Variants in PARD3B observed in about 807,000 individuals in gnomAD.
PARD3B encodes par-3 family cell polarity regulator beta.
PARD3B carries 103 observed loss-of-function variants against 130.2 expected under a neutral mutation model. That is an observed-to-expected ratio of 0.79 (90% CI 0.67 to 0.93). The LOEUF is 0.93. Among genes scored for constraint, PARD3B ranks in the 40% least tolerant of loss-of-function variants. The probability of loss-of-function intolerance (pLI) is 0.00; values close to 1 mark genes in which losing one functional copy is unlikely to be tolerated. For synonymous variants in PARD3B, 583 were observed against 553.2 expected, an observed-to-expected ratio of 1.05 and a Z score of -0.76; for missense variants, 1,609 against 1,499.2, an observed-to-expected ratio of 1.07 and a Z score of -1.21.
chr2:204,740,283 A>G (rs1332634091), intron 2 of PARD3B, among the ~76,000 whole-genome samples: 1 of 152,060 alleles, frequency 6.6e-6, no homozygotes, highest in Non-Finnish European at 1.5e-5. Context: ...TGGCCTCCCA[A>G]AGGGCTGGAA....
At chr2:205,106,164 T>G (rs1005257200) in intron 5 of PARD3B, among the ~76,000 whole-genome samples, 2 of 152,018 alleles carry the variant, frequency 1.3e-5, no homozygotes, top group Non-Finnish European at 2.9e-5. Flanking sequence ...ATTTTTATTT[T>G]GAGATGGAGT....
At chr2:205,420,195 G>C (rs1574975354) in intron 19 of PARD3B, among the ~76,000 whole-genome samples, 2 of 152,192 alleles carry the variant, frequency 1.3e-5, no homozygotes, top group African/African-American at 2.4e-5. Flanking sequence ...AGAGCTATTA[G>C]TGGTGTGTGC....
At chr2:205,338,411 G>A (rs1416234573) in intron 18 of PARD3B, among the ~76,000 whole-genome samples, 1 of 151,996 alleles carries the variant, frequency 6.6e-6, no homozygotes, top group East Asian at 1.9e-4. Context: ...TTAAACTCCA[G>A]TTACATGGAG....
At chr2:204,781,074 C>T (rs926142854) in intron 2 of PARD3B, among the ~76,000 whole-genome samples, 4 of 152,078 alleles carry the variant, frequency 2.6e-5, no homozygotes, top group African/African-American at 9.7e-5. Flanking sequence ...TTTCCACTCT[C>T]ATTGGTAGGG....
intron 3 of PARD3B, among the ~76,000 whole-genome samples, chr2:205,004,897 T>G (rs1695128688): frequency 6.6e-6 from 1 of 152,144 alleles, no homozygotes; most frequent in Admixed American, 6.6e-5. Context: ...ACTCTAGCAG[T>G]CCCTCTGCTG....
chr2:204,636,128 T>C (rs1209182767), intron 1 of PARD3B, among the ~76,000 whole-genome samples: 2 of 152,198 alleles, frequency 1.3e-5, no homozygotes, highest in African/African-American at 4.8e-5. Context: ...GTTATAGGTA[T>C]AGAAAGGAGA....
At chr2:205,581,245 T>TAGATAG (rs2053954860) in intron 22 of PARD3B, among the ~76,000 whole-genome samples, 6 of 128,374 alleles carry the variant, frequency 4.7e-5, no homozygotes, top group Admixed American at 9.2e-5. Flanking sequence ...TATATAGATA[T>TAGATAG]ATATAGATAT....
intron 18 of PARD3B, among the ~76,000 whole-genome samples, chr2:205,343,885 A>G (rs1208933828): frequency 6.6e-6 from 1 of 151,922 alleles, no homozygotes; most frequent in Non-Finnish European, 1.5e-5. Flanking sequence ...GGCCCCATAT[A>G]ATACAGGATG....
chr2:204,693,972 C>T (rs1021767088), intron 2 of PARD3B, among the ~76,000 whole-genome samples: 1 of 152,042 alleles, frequency 6.6e-6, no homozygotes, highest in Non-Finnish European at 1.5e-5. Flanking sequence ...CAAATAATTA[C>T]AGTCAATGAA....
At chr2:205,514,418 C>T (rs1292020584) in intron 21 of PARD3B, among the ~76,000 whole-genome samples, 1 of 152,082 alleles carries the variant, frequency 6.6e-6, no homozygotes, top group Non-Finnish European at 1.5e-5. Context: ...ATTTAAGTTT[C>T]ATATCTGCTT....
At chr2:205,513,128 T>C (rs1348641338) in intron 21 of PARD3B, among the ~76,000 whole-genome samples, 1 of 152,032 alleles carries the variant, frequency 6.6e-6, no homozygotes, top group Non-Finnish European at 1.5e-5. Context: ...AATCAGAGAC[T>C]CTCATTTCAG....
In PARD3B at chr2:204,986,365, G is replaced by A. The variant is rs138062764; in HGVS notation, c.394+21042G>A. Among the ~76,000 whole-genome samples the A allele has an allele frequency of 9.1e-3, 1,384 of 152,258 alleles. 29 individuals are homozygous for A. Among genetic ancestry groups the A allele is most frequent in the African/African-American group, 0.032 (1,314 of 41,540 alleles). On this transcript the variant is annotated intron_variant, in intron 3 of 22. Coordinates refer to ENST00000406610, the MANE Select transcript of PARD3B (RefSeq NM_001302769.2). ...AAACATGTCTATACGACTATGAAGT[G>A]TTATCGACAGAGCATATCAACCCTA... is the stretch of plus-strand genomic sequence containing the variant.
chr2:205,082,004 A>T (rs1575729827), intron 4 of PARD3B, among the ~76,000 whole-genome samples: 1 of 152,224 alleles, frequency 6.6e-6, no homozygotes, highest in South Asian at 2.1e-4. Flanking sequence ...GCCTGGAGTT[A>T]TCTTTGTTTC....
In PARD3B at chr2:205,300,551, G is replaced by T; in HGVS notation, c.2207G>T (p.Gly736Val). The change falls in exon 17 of 23, where the codon GGT (glycine) becomes GTT (valine). Residue 736 changes from glycine to valine, a missense_variant. Physicochemically the swap from Gly to Val is moderately radical, Grantham distance 109. Coordinates refer to ENST00000406610, the MANE Select transcript of PARD3B (RefSeq NM_001302769.2). The surrounding 1 kb of genome is among the most constrained non-coding windows in gnomAD (Gnocchi z 4.1). Reference protein sequence around the residue: ...QKSESPSKDFGPTLGLKKSSS... With the variant: ...QKSESPSKDFVPTLGLKKSSS... ...CCAGAATCTCCAAGCAAAGATTTTG[G>T]TCCAACTCTGGGTTTGAAAAAGTCC... 1 of 1,613,638 alleles carries T rather than the reference G, an allele frequency of 6.2e-7. No individual in the cohort carries two copies. Among genetic ancestry groups the T allele is most frequent in the Non-Finnish European group, 8.5e-7 (1 of 1,179,934 alleles).
At chr2:204,756,278 G>A (rs1444352001) in intron 2 of PARD3B, among the ~76,000 whole-genome samples, 1 of 152,028 alleles carries the variant, frequency 6.6e-6, no homozygotes, top group Non-Finnish European at 1.5e-5. Flanking sequence ...TGATCAGTTG[G>A]TGTTTCTTTA....
At chr2:205,410,053 G>A (rs2046545499) in intron 19 of PARD3B, among the ~76,000 whole-genome samples, 1 of 152,100 alleles carries the variant, frequency 6.6e-6, no homozygotes, top group Non-Finnish European at 1.5e-5. Flanking sequence ...CAGAGATACA[G>A]GTTGAATATC....
chr2:204,696,100 C>T (rs1478564868), intron 2 of PARD3B, among the ~76,000 whole-genome samples: 1 of 152,004 alleles, frequency 6.6e-6, no homozygotes, highest in South Asian at 2.1e-4. Context: ...TAATGAGTAA[C>T]AGCGGGTTCT....
At chr2:204,830,041 C>T (rs1267965353) in intron 2 of PARD3B, among the ~76,000 whole-genome samples, 1 of 150,866 alleles carries the variant, frequency 6.6e-6, no homozygotes, top group Non-Finnish European at 1.5e-5. Context: ...GCACTTCTCC[C>T]TTAGTGTGCT....
At chr2:204,705,211 G>A (rs1357475782) in intron 2 of PARD3B, among the ~76,000 whole-genome samples, 1 of 152,196 alleles carries the variant, frequency 6.6e-6, no homozygotes, top group Non-Finnish European at 1.5e-5. Context: ...ATTGGGAGCC[G>A]ATTATGTGCT....
Sources: gnomAD v4.1 joint callset for allele counts (sites outside exome capture counted in the v4.1 genomes callset) on GRCh38, gnomAD v4.1.1 for gene constraint, Gnocchi (gnomAD v3.1) non-coding constraint, MANE v1.5 for transcripts, NCBI Gene and HGNC (gene_info 2026-07-23, HGNC 2026-07-21) for gene names.